DYNC2LI1: variants seen among roughly 807,000 people sequenced by gnomAD.
DYNC2LI1 encodes cytoplasmic dynein 2 light intermediate chain 1.
Under a neutral mutation model 51.9 loss-of-function variants are expected in DYNC2LI1, and 45 were observed. The ratio of observed to expected loss-of-function variants is 0.87; its 90% CI spans 0.68 to 1.11. The LOEUF (loss-of-function observed/expected upper bound fraction) is 1.11, where lower values mean the gene tolerates loss of function less well. Ranked by LOEUF, DYNC2LI1 falls within the 50% of genes most tolerant of loss-of-function variation. The pLI, the probability that DYNC2LI1 is intolerant of heterozygous loss-of-function variation, is 0.00. For missense variants in DYNC2LI1, 490 were observed against 417.4 expected, an observed-to-expected ratio of 1.17 and a Z score of -1.51; for synonymous variants, 130 against 137.8, an observed-to-expected ratio of 0.94 and a Z score of 0.40.
At chr2:43,822,215 T>C in the DYNC2LI1 span, among the ~76,000 whole-genome samples, 1 of 152,158 alleles carries the variant, frequency 6.6e-6, no homozygotes, top group African/African-American at 2.4e-5. Flanking sequence ...CCCCCATGAC[T>C]CTACCGAAGC....
intron 7 of DYNC2LI1, 76 bp from the exon 8 acceptor site, chr2:43,796,642 C>T (rs1674049141): frequency 2.8e-6 from 3 of 1,058,304 alleles, no homozygotes; most frequent in South Asian, 1.4e-5. Context: ...ATAATCTATT[C>T]TACATTTAAT....
chr2:43,823,832 G>T, the DYNC2LI1 span: 1 of 1,507,100 alleles, frequency 6.6e-7, no homozygotes, highest in Non-Finnish European at 9.0e-7. Flanking sequence ...CCCTTATAAT[G>T]GTAGACTTTT....
the DYNC2LI1 span, among the ~76,000 whole-genome samples, chr2:43,821,346 T>A: frequency 6.6e-6 from 1 of 152,218 alleles, no homozygotes; most frequent in African/African-American, 2.4e-5. Flanking sequence ...TGATGAGCCA[T>A]CCACATCAGT....
Position 43,801,710 on chromosome 2 carries a change from G to T in DYNC2LI1, c.802+1G>T, listed in dbSNP as rs1666083992. On this transcript the variant is annotated splice_donor_variant, in intron 10 of 12. Coordinates refer to ENST00000260605, the MANE Select transcript of DYNC2LI1 (RefSeq NM_016008.4). LOFTEE classifies it high-confidence loss of function. ...GGATTGGATTCTTTCGGTCAAATAG[G>T]TTAGTGAACTTATTAAGATTGTTCA... The T allele has an allele frequency of 6.2e-7, 1 of 1,604,980 alleles. No individual in the cohort carries two copies. Among genetic ancestry groups the T allele is most frequent in the East Asian group, 2.2e-5 (1 of 44,686 alleles).
At chr2:43,782,242 G>C (rs1179025570) in intron 2 of DYNC2LI1, among the ~76,000 whole-genome samples, 1 of 151,932 alleles carries the variant, frequency 6.6e-6, no homozygotes, top group Admixed American at 6.6e-5. Context: ...TGTAACACTG[G>C]CCAATAAACA....
rs778667813 is a variant in DYNC2LI1, at chr2:43,783,644, G to A, written c.161+90G>A. 1.2e-5 allele frequency: 9 copies of A among 737,744 alleles called. No homozygotes were observed. The South Asian group carries it at 1.4e-4, about 12-fold the overall frequency. 45.7% of individuals were successfully genotyped at this position (737,744 alleles called of 1,614,324 possible). ...TCTAAAAGACATAAGGAAGGGGAAC[G>A]ATTTTGAGACCCAAACAAAATATTT... On this transcript the variant is annotated intron_variant, in intron 3 of 12. Coordinates refer to ENST00000260605, the MANE Select transcript of DYNC2LI1 (RefSeq NM_016008.4).
At chr2:43,814,124 T>C (rs1666667216), downstream of DYNC2LI1, among the ~76,000 whole-genome samples, 1 of 152,166 alleles carries the variant, frequency 6.6e-6, no homozygotes, top group South Asian at 2.1e-4. Context: ...CTATGTACGA[T>C]GTACATTTTG....
At chr2:43,796,665 C>G (rs2104700422) in intron 7 of DYNC2LI1, 53 bp from the exon 8 acceptor site, 1 of 1,283,954 alleles carries the variant, frequency 7.8e-7, no homozygotes. Flanking sequence ...TTTGAATCTT[C>G]CTGCTATAGA....
At chr2:43,786,113 A>T (rs1673509776) in intron 3 of DYNC2LI1, among the ~76,000 whole-genome samples, 1 of 152,248 alleles carries the variant, frequency 6.6e-6, no homozygotes, top group Non-Finnish European at 1.5e-5. Flanking sequence ...GATATAATTT[A>T]TTAACTATCA....
chr2:43,812,251 C>A (rs986103259), downstream of DYNC2LI1, among the ~76,000 whole-genome samples: 1 of 151,208 alleles, frequency 6.6e-6, no homozygotes, highest in Admixed American at 6.6e-5. Flanking sequence ...CTTTAAATAA[C>A]AGCTGATCTC....
chr2:43,813,392 G>C, downstream of DYNC2LI1: 1 of 976,806 alleles, frequency 1.0e-6, no homozygotes, highest in Non-Finnish European at 1.6e-6. Context: ...CGCTTGCTAA[G>C]TACCCTTAAT....
At chr2:43,826,349 A>G in the DYNC2LI1 span, 1 of 1,613,186 alleles carries the variant, frequency 6.2e-7, no homozygotes, top group Non-Finnish European at 8.5e-7. Context: ...TCAACACACC[A>G]TAGACCCGGC....
At position 43,794,547 on chromosome 2, in the gene DYNC2LI1, T is replaced by C. The variant is rs772788154; in HGVS notation, c.411T>C (p.His137=). ...MENLLQATKS[H]VDKVIMKLGK... is the part of the protein sequence containing the mutation. Reference sequence around the variant, plus strand: ...ATCTCTTGCAAGCCACAAAAAGCCATGTAGACAAAGTGATAATGAAACTGG... The same window carrying C: ...ATCTCTTGCAAGCCACAAAAAGCCACGTAGACAAAGTGATAATGAAACTGG... The change falls in exon 6 of 13, where the codon CAT becomes CAC. Residue 137 remains histidine, a synonymous_variant. Coordinates refer to ENST00000260605, the MANE Select transcript of DYNC2LI1 (RefSeq NM_016008.4). 7 of 1,614,092 alleles carry C rather than the reference T, an allele frequency of 4.3e-6. No homozygotes were observed. Among genetic ancestry groups the C allele is most frequent in the Admixed American group, 1.7e-5 (1 of 60,026 alleles).
chr2:43,781,172 G>C (rs1276382579), intron 2 of DYNC2LI1, among the ~76,000 whole-genome samples: 1 of 152,020 alleles, frequency 6.6e-6, no homozygotes, highest in African/African-American at 2.4e-5. Flanking sequence ...TTCAAGACCA[G>C]CCTGACCAAC....
At position 43,795,892 on chromosome 2, in the gene DYNC2LI1, T is replaced by A. The variant is rs1572711390; in HGVS notation, c.510T>A (p.Asp170Glu). Residue 170 changes from aspartate (D) to glutamate (E), a missense_variant and splice_region_variant, in exon 7 of 13, where the codon GAT (aspartate) becomes GAA (glutamate). Transcript: ENST00000260605. ...CAAGGAAATATGTTTATTAGCAGGA[T>A]CATGAATTAATTGACCCATTTCCGG... ...IWNNMPKDHP[D>E]HELIDPFPVP... 6 of 1,611,094 alleles carry A rather than the reference T, an allele frequency of 3.7e-6. No individual in the cohort carries two copies. The East Asian group carries it at 1.3e-4, about 36-fold the overall frequency.
the DYNC2LI1 span, chr2:43,823,025 G>C: frequency 6.4e-7 from 1 of 1,555,342 alleles, no homozygotes; most frequent in Non-Finnish European, 8.7e-7. Context: ...GGTCTGTCAG[G>C]GCTGGATGGT....
chr2:43,790,493 G>A (rs914958823), intron 5 of DYNC2LI1, among the ~76,000 whole-genome samples: 1 of 152,022 alleles, frequency 6.6e-6, no homozygotes, highest in African/African-American at 2.4e-5. Context: ...TCTTGTTAAT[G>A]GGACCGTTGT....
chr2:43,813,094 A>G, downstream of DYNC2LI1: 1 of 984,282 alleles, frequency 1.0e-6, no homozygotes, highest in Non-Finnish European at 1.7e-6. Flanking sequence ...CTTCACTTCC[A>G]TTTTCCCAGC....
the DYNC2LI1 span, chr2:43,822,909 G>C: frequency 1.2e-6 from 2 of 1,614,084 alleles, no homozygotes; most frequent in Non-Finnish European, 1.7e-6. Flanking sequence ...TGACTCTCCT[G>C]GTCGCTGACA....
Sources: allele counts gnomAD v4.1 joint callset (sites outside exome capture counted in the v4.1 genomes callset), GRCh38; gene constraint gnomAD v4.1.1; transcripts MANE v1.5; gene names NCBI Gene and HGNC (gene_info 2026-07-23, HGNC 2026-07-21).